SLC44A5: variants seen among roughly 807,000 people sequenced by gnomAD.
SLC44A5 encodes the protein choline transporter-like protein 5.
A neutral mutation model predicts 101.8 loss-of-function variants in SLC44A5; 57 were observed. That is an observed-to-expected ratio of 0.56 (90% CI 0.45 to 0.70). The LOEUF (loss-of-function observed/expected upper bound fraction) is 0.70. Ranked by LOEUF, SLC44A5 falls within the 30% of genes least tolerant of loss-of-function variation. The probability of loss-of-function intolerance (pLI) is 0.00; values close to 1 mark genes in which losing one functional copy is unlikely to be tolerated. For synonymous variants in SLC44A5, 281 were observed against 290.9 expected (o/e 0.97, Z 0.35); for missense variants, 737 against 853.1 (o/e 0.86, Z 1.70).
At chr1:75,281,452 A>T (rs1652544757) in intron 5 of SLC44A5, among the ~76,000 whole-genome samples, 1 of 151,940 alleles carries the variant, frequency 6.6e-6, no homozygotes, top group Admixed American at 6.6e-5. Flanking sequence ...GAAAAGAAAA[A>T]CCCATTTTCT....
At position 75,609,529 on chromosome 1, in the gene SLC44A5, T is replaced by C. The variant is rs145456347; in HGVS notation, c.-70+1511A>G. Among the ~76,000 whole-genome samples, 861 of 152,154 alleles carry C rather than the reference T, an allele frequency of 5.7e-3. 13 individuals are homozygous for C. Among genetic ancestry groups the C allele is most frequent in the Admixed American group, 0.034 (514 of 15,258 alleles). ...GAAATCTTGTGCTGTTGGGAGATTT[T>C]AGGGCTTTTGTATTCTCTTTATCAC... On this transcript the variant is annotated intron_variant, in intron 1 of 23. Coordinates refer to ENST00000370859, the MANE Select transcript of SLC44A5 (RefSeq NM_001130058.2).
At chr1:75,603,856 G>C (rs1675161359) in intron 1 of SLC44A5, among the ~76,000 whole-genome samples, 1 of 138,314 alleles carries the variant, frequency 7.2e-6, no homozygotes, top group South Asian at 2.3e-4. Flanking sequence ...ATTTTTAATG[G>C]GGTTATTGGT....
chr1:75,230,998 C>T (rs956680198), intron 12 of SLC44A5, among the ~76,000 whole-genome samples: 1 of 152,194 alleles, frequency 6.6e-6, no homozygotes, highest in Non-Finnish European at 1.5e-5. Context: ...GATTTTCACA[C>T]AGAACTGTTT....
intron 2 of SLC44A5, among the ~76,000 whole-genome samples, chr1:75,516,282 A>AG (rs1310009854): frequency 6.6e-6 from 1 of 152,162 alleles, no homozygotes; most frequent in Non-Finnish European, 1.5e-5. Flanking sequence ...TGGGAGGCCC[A>AG]GGCGGGTGGA....
intron 23 of SLC44A5, among the ~76,000 whole-genome samples, chr1:75,209,017 T>C (rs1401477513): frequency 6.6e-6 from 1 of 152,196 alleles, no homozygotes; most frequent in Non-Finnish European, 1.5e-5. Flanking sequence ...TTACAAAGTG[T>C]GATGTTGCCC....
At chr1:75,609,534 C>T (rs1402250516) in intron 1 of SLC44A5, among the ~76,000 whole-genome samples, 1 of 151,912 alleles carries the variant, frequency 6.6e-6, no homozygotes, top group African/African-American at 2.4e-5. Flanking sequence ...GATTTTAGGG[C>T]TTTTGTATTC....
At chr1:75,618,011 G>A in the SLC44A5 span, among the ~76,000 whole-genome samples, 4 of 152,326 alleles carry the variant, frequency 2.6e-5, no homozygotes, top group South Asian at 2.1e-4. Context: ...AATGGGATTC[G>A]TGGAGGTATG....
chr1:75,497,877 C>A (rs752885281), intron 2 of SLC44A5, among the ~76,000 whole-genome samples: 3 of 151,984 alleles, frequency 2.0e-5, no homozygotes, highest in Non-Finnish European at 4.4e-5. Flanking sequence ...AGAAACAATA[C>A]CACAGAAATT....
At chr1:75,354,926 A>T (rs1658956877) in intron 3 of SLC44A5, among the ~76,000 whole-genome samples, 1 of 152,176 alleles carries the variant, frequency 6.6e-6, no homozygotes. Flanking sequence ...CAATCCAAGG[A>T]GGGTCCACTA....
chr1:75,573,712 G>T (rs567621067), intron 1 of SLC44A5, among the ~76,000 whole-genome samples: 2 of 152,042 alleles, frequency 1.3e-5, no homozygotes, highest in African/African-American at 4.8e-5. Context: ...TTTATTGTAT[G>T]AAACAAGTAG....
chr1:75,421,846 T>G (rs545361513), intron 2 of SLC44A5, among the ~76,000 whole-genome samples: 109 of 151,736 alleles, frequency 7.2e-4, no homozygotes, highest in Non-Finnish European at 1.3e-3. Context: ...TCACCAGAAA[T>G]CTTTAGAAGA....
intron 2 of SLC44A5, among the ~76,000 whole-genome samples, chr1:75,398,782 C>G (rs1215551802): frequency 6.6e-6 from 1 of 152,082 alleles, no homozygotes; most frequent in Non-Finnish European, 1.5e-5. Context: ...CAGCTTATGT[C>G]TTTTTCAAAA....
At chr1:75,597,435 A>T (rs1674706140) in intron 1 of SLC44A5, among the ~76,000 whole-genome samples, 1 of 152,150 alleles carries the variant, frequency 6.6e-6, no homozygotes, top group Middle Eastern at 3.2e-3. Context: ...TCTTCACTGA[A>T]ATAGAAAAAA....
rs142655055 is a variant in SLC44A5, at chr1:75,320,365, A to G, written c.101+19217T>C. Among the ~76,000 whole-genome samples, 378 of 152,264 alleles carry G rather than the reference A, an allele frequency of 2.5e-3. 7 individuals carry two copies. Among genetic ancestry groups the G allele is most frequent in the Admixed American group, 0.022 (334 of 15,280 alleles). ...CATAGAAATCCTAGAAATAAAAAAT[A>G]TTTTGAAAGGGGGATTTTATAATTA... On this transcript the variant is annotated intron_variant, in intron 4 of 23. Transcript: ENST00000370859.
intron 1 of SLC44A5, among the ~76,000 whole-genome samples, chr1:75,555,017 C>T (rs927806938): frequency 6.6e-6 from 1 of 151,872 alleles, no homozygotes; most frequent in Non-Finnish European, 1.5e-5. Context: ...AATAGAAAGA[C>T]AGAATGAAAA....
chr1:75,414,498 T>C (rs2101528308), intron 2 of SLC44A5, among the ~76,000 whole-genome samples: 1 of 152,250 alleles, frequency 6.6e-6, no homozygotes, highest in African/African-American at 2.4e-5. Flanking sequence ...AAGAGAGACA[T>C]AGGCTCTGCT....
chr1:75,540,990 A>G (rs1396939722), intron 2 of SLC44A5, among the ~76,000 whole-genome samples: 1 of 152,242 alleles, frequency 6.6e-6, no homozygotes, highest in Admixed American at 6.5e-5. Context: ...CTAAGGAGCA[A>G]GCTCTAACTT....
the SLC44A5 span, among the ~76,000 whole-genome samples, chr1:75,668,131 C>G: frequency 2.0e-5 from 3 of 152,040 alleles, no homozygotes; most frequent in African/African-American, 7.2e-5. Flanking sequence ...CTCATTAAGA[C>G]AACAACGGAA....
At chr1:75,338,542 A>C (rs1657622246) in intron 4 of SLC44A5, among the ~76,000 whole-genome samples, 1 of 152,224 alleles carries the variant, frequency 6.6e-6, no homozygotes, top group Non-Finnish European at 1.5e-5. Flanking sequence ...ATGTAATCAT[A>C]GTAAAAGTAG....
Sources: gnomAD v4.1 joint callset for allele counts (sites outside exome capture counted in the v4.1 genomes callset) on GRCh38, gnomAD v4.1.1 for gene constraint, MANE v1.5 for transcripts, NCBI Gene and HGNC (gene_info 2026-07-23, HGNC 2026-07-21) for gene names.